The following TMTC1 variants were observed in gnomAD, a reference collection of about 807,000 sequenced individuals.
TMTC1 encodes protein O-mannosyl-transferase TMTC1.
Under a neutral mutation model 104.8 loss-of-function variants are expected in TMTC1, and 73 were observed. That is an observed-to-expected ratio of 0.70 (90% CI 0.58 to 0.85). The LOEUF is 0.85. Among genes scored for constraint, TMTC1 ranks in the 40% least tolerant of loss-of-function variants. TMTC1 has a pLI of 0.00. For missense variants in TMTC1, 1,035 were observed against 1,096.1 expected (o/e 0.94, Z 0.79); for synonymous variants, 434 against 428.7 (o/e 1.01, Z -0.15).
chr12:29,759,596 A>C (rs892973719), intron 2 of TMTC1, among the ~76,000 whole-genome samples: 13 of 152,218 alleles, frequency 8.5e-5, no homozygotes, highest in Admixed American at 7.9e-4. Flanking sequence ...TCTTAGCTCT[A>C]TCACTGAAAG....
intron 7 of TMTC1, among the ~76,000 whole-genome samples, chr12:29,586,413 T>C (rs1946135298): frequency 6.6e-6 from 1 of 152,200 alleles, no homozygotes; most frequent in African/African-American, 2.4e-5. Context: ...TTTTCCTAAT[T>C]GAATATCTTT....
At chr12:29,666,682 G>A (rs982732619) in intron 5 of TMTC1, among the ~76,000 whole-genome samples, 9 of 151,968 alleles carry the variant, frequency 5.9e-5, no homozygotes, top group East Asian at 5.8e-4. Context: ...TCCCTTACCC[G>A]GAATACTAAT....
chr12:29,654,812 T>C (rs112173646), intron 5 of TMTC1, among the ~76,000 whole-genome samples: 13 of 152,234 alleles, frequency 8.5e-5, no homozygotes, highest in African/African-American at 2.6e-4. Context: ...TGCTACAACA[T>C]GGATGAACCT....
rs1363807902 is a variant in TMTC1, at chr12:29,673,683, A to G, written c.939-40347T>C. ...AAAATTGAGAAGATAATTTTATAAC[A>G]TTGCATTTTGCTAAGTGTTCATTAT... On this transcript the variant is annotated intron_variant, in intron 5 of 17. Coordinates refer to ENST00000539277, the MANE Select transcript of TMTC1 (RefSeq NM_001193451.2). 2.0e-5 allele frequency among the ~76,000 whole-genome samples: 3 copies of G among 150,336 alleles called. No individual in the cohort carries two copies. In the East Asian group the frequency reaches 5.8e-4, roughly 29 times the overall value.
At chr12:29,574,048 T>G (rs159684) in intron 8 of TMTC1, among the ~76,000 whole-genome samples, 128,555 of 151,846 alleles carry the variant, frequency 0.85, 54,860 homozygotes, top group East Asian at 0.98. Flanking sequence ...GAGAGAAAGA[T>G]AATAGTCAGA....
intron 5 of TMTC1, among the ~76,000 whole-genome samples, chr12:29,640,231 G>A (rs537731651): frequency 4.2e-4 from 64 of 152,290 alleles, no homozygotes; most frequent in African/African-American, 1.4e-3. Flanking sequence ...CCAATTAACC[G>A]AGCTCAATTA....
At chr12:29,529,068 T>C (rs903086971) in intron 11 of TMTC1, among the ~76,000 whole-genome samples, 2 of 152,184 alleles carry the variant, frequency 1.3e-5, no homozygotes, top group Non-Finnish European at 2.9e-5. Flanking sequence ...AAATCTGGCC[T>C]CACACGCACA....
Position 29,566,343 on chromosome 12 carries a change from G to T in TMTC1, c.1532+5762C>A, listed in dbSNP as rs534669010. ...AATAGCAGGAGGTGTGTCAGGGGGAGTAAGGGGGCAGGTGGTGCAGGGCGA... is the reference window on the plus strand; with the variant it reads ...AATAGCAGGAGGTGTGTCAGGGGGATTAAGGGGGCAGGTGGTGCAGGGCGA... On this transcript the variant is annotated intron_variant, in intron 9 of 17. Transcript: ENST00000539277. Among the ~76,000 whole-genome samples the T allele has an allele frequency of 2.6e-3, 392 of 152,290 alleles. 1 individual carries two copies. Among genetic ancestry groups the T allele is most frequent in the African/African-American group, 8.7e-3 (362 of 41,544 alleles).
chr12:29,689,273 T>TTA lies in TMTC1; in HGVS notation c.939-55938_939-55937insTA, dbSNP rs1409805301. Among the ~76,000 whole-genome samples, 18 of 150,482 alleles carry TTA rather than the reference T, an allele frequency of 1.2e-4. 2 individuals carry two copies. The highest frequency in any genetic ancestry group is 4.4e-4 in the African/African-American group (18 of 41,158). ...CTTAAGCCACTGGTTTTTTTTTTTT[T>TTA]ATTTTTTGTCTTTGTTGTTGTTGTT... On this transcript the variant is annotated intron_variant, in intron 5 of 17. Transcript: ENST00000539277.
chr12:29,570,258 T>C (rs1318666076), intron 9 of TMTC1, among the ~76,000 whole-genome samples: 1 of 152,136 alleles, frequency 6.6e-6, no homozygotes, highest in Admixed American at 6.5e-5. Flanking sequence ...CATTTCCTCA[T>C]TGCAAAAGGA....
In TMTC1 at chr12:29,605,481, G is replaced by A. The variant is rs556202926; in HGVS notation, c.1129-1182C>T. ...GATCTATAAGTAATGATCTCATTTT[G>A]ACCTAAAGGAACCAGAATTTAAAGG... On this transcript the variant is annotated intron_variant, in intron 6 of 17. Coordinates refer to ENST00000539277, the MANE Select transcript of TMTC1 (RefSeq NM_001193451.2). Among the ~76,000 whole-genome samples, 31 of 144,668 alleles carry A rather than the reference G, an allele frequency of 2.1e-4. 1 individual carries two copies. In the South Asian group the frequency reaches 6.3e-3, roughly 29 times the overall value. 94.9% of individuals were successfully genotyped at this position (144,668 alleles called of 152,430 possible). A position where few individuals can be genotyped will look rare whatever the true frequency, so the allele number is the denominator to read the frequency against.
rs2136112248 is a variant in TMTC1, at chr12:29,501,384, T to C, written c.*5462A>G. 6.6e-6 allele frequency: 1 copy of C among 152,260 alleles called. No homozygotes were observed. The highest frequency in any genetic ancestry group is 2.4e-5 in the African/African-American group (1 of 41,546). 9.4% of individuals were successfully genotyped at this position (152,260 alleles called of 1,614,324 possible). The stretch of plus-strand genomic sequence containing the variant: ...CCAGATTCAAGAGTAACTATTAGAG[T>C]TACTCATTGAGCTTAATGGAAACAT... On this transcript the variant is annotated 3_prime_UTR_variant, in exon 18 of 18. Transcript: ENST00000539277.
At chr12:29,595,248 A>T (rs1946377133) in intron 7 of TMTC1, among the ~76,000 whole-genome samples, 1 of 152,202 alleles carries the variant, frequency 6.6e-6, no homozygotes, top group African/African-American at 2.4e-5. Flanking sequence ...CAGTCCAATA[A>T]TTTACTGTTC....
intron 6 of TMTC1, among the ~76,000 whole-genome samples, chr12:29,606,986 A>C: frequency 1.4e-5 from 2 of 146,602 alleles, no homozygotes; most frequent in Non-Finnish European, 3.0e-5. Flanking sequence ...CCCCCCCCTC[A>C]CTCACGGACA....
intron 6 of TMTC1, among the ~76,000 whole-genome samples, chr12:29,627,454 T>A (rs1938059381): frequency 6.6e-6 from 1 of 152,134 alleles, no homozygotes; most frequent in African/African-American, 2.4e-5. Context: ...TAACAAAAGA[T>A]AAATAACAAG....
intron 5 of TMTC1, among the ~76,000 whole-genome samples, chr12:29,720,213 C>T (rs1404087417): frequency 6.6e-6 from 1 of 152,194 alleles, no homozygotes; most frequent in African/African-American, 2.4e-5. Flanking sequence ...AAACATTTCA[C>T]AACACTAAAT....
At chr12:29,724,532 A>G (rs1435628841) in intron 5 of TMTC1, among the ~76,000 whole-genome samples, 1 of 152,204 alleles carries the variant, frequency 6.6e-6, no homozygotes, top group Non-Finnish European at 1.5e-5. Flanking sequence ...TAAGTGATAC[A>G]GCCATTATCC....
chr12:29,575,630 AG>A (rs1565681772), intron 8 of TMTC1, among the ~76,000 whole-genome samples: 2 of 152,052 alleles, frequency 1.3e-5, no homozygotes, highest in African/African-American at 4.8e-5. Context: ...AACAGCCAAA[AG>A]AAACAGACCA....
chr12:29,685,842 C>T (rs1304580022), intron 5 of TMTC1, among the ~76,000 whole-genome samples: 19 of 150,480 alleles, frequency 1.3e-4, no homozygotes, highest in Non-Finnish European at 4.4e-5. Flanking sequence ...GCAAAATAGG[C>T]TAATGCACTT....
Sources: gnomAD v4.1 joint callset for allele counts (sites outside exome capture counted in the v4.1 genomes callset) on GRCh38, gnomAD v4.1.1 for gene constraint, MANE v1.5 for transcripts, NCBI Gene and HGNC (gene_info 2026-07-23, HGNC 2026-07-21) for gene names.